Variants in MGA observed in about 807,000 individuals in gnomAD.
MGA encodes MAX gene-associated protein.
MGA carries 40 observed loss-of-function variants against 261.1 expected under a neutral mutation model. The observed-to-expected ratio is 0.15, with a 90% CI of 0.12 to 0.20. The LOEUF (loss-of-function observed/expected upper bound fraction) is 0.20. Among genes scored for constraint, MGA ranks in the 10% least tolerant of loss-of-function variants. The probability of loss-of-function intolerance (pLI) is 1.00; values close to 1 mark genes in which losing one functional copy is unlikely to be tolerated. For synonymous variants in MGA, 1,302 were observed against 1,290.6 expected (o/e 1.01, Z -0.19); for missense variants, 3,397 against 3,630.5 (o/e 0.94, Z 1.65).
At chr15:41,753,185 G>A (rs1271748014) in intron 17 of MGA, among the ~76,000 whole-genome samples, 3 of 152,090 alleles carry the variant, frequency 2.0e-5, no homozygotes, top group African/African-American at 2.4e-5. Flanking sequence ...TGAGGCAGGC[G>A]GATCACCTGA....
Position 41,750,329 on chromosome 15 carries a change from G to A in MGA, c.6722G>A (p.Cys2241Tyr), listed in dbSNP as rs1265895637. Residue 2241 changes from cysteine (C) to tyrosine (Y), a missense_variant, in exon 17 of 24, where the codon TGT becomes TAT. Coordinates refer to ENST00000219905, the MANE Select transcript of MGA (RefSeq NM_001164273.2). ...GATGCCAGAGTTTTGAAAACTGAAT[G>A]TGATTCTTGGAGTAGGATTTCTAAT... 1 of 1,613,922 alleles carries A rather than the reference G, an allele frequency of 6.2e-7. No individual in the cohort carries two copies. Among genetic ancestry groups the A allele is most frequent in the East Asian group, 2.2e-5 (1 of 44,902 alleles).
At chr15:41,660,900 C>A (rs1423350501) in intron 1 of MGA, among the ~76,000 whole-genome samples, 1 of 152,188 alleles carries the variant, frequency 6.6e-6, no homozygotes, top group Non-Finnish European at 1.5e-5. Flanking sequence ...GACTTCTCGC[C>A]CGGCGCCGGG....
Position 41,750,308 on chromosome 15 carries a change from C to A in MGA, c.6701C>A (p.Ala2234Asp). 6.2e-7 allele frequency: 1 copy of A among 1,613,998 alleles called. No homozygotes were observed. Among genetic ancestry groups the A allele is most frequent in the Non-Finnish European group, 8.5e-7 (1 of 1,179,890 alleles). The change falls in exon 17 of 24, where the codon GCC (alanine) becomes GAC (aspartate). Residue 2234 changes from alanine (A) to aspartate (D), a missense_variant. Coordinates refer to ENST00000219905, the MANE Select transcript of MGA (RefSeq NM_001164273.2). Reference sequence around the variant, plus strand: ...GGAAAAAGTGGAATTACTGAAGATGCCAGAGTTTTGAAAACTGAATGTGAT... The same window carrying A: ...GGAAAAAGTGGAATTACTGAAGATGACAGAGTTTTGAAAACTGAATGTGAT...
rs771006709 is a variant in MGA, at chr15:41,750,008, T to G, written c.6401T>G (p.Phe2134Cys). 3.7e-6 allele frequency: 6 copies of G among 1,613,156 alleles called. No homozygotes were observed. Among genetic ancestry groups the G allele is most frequent in the Non-Finnish European group, 5.1e-6 (6 of 1,179,676 alleles). The stretch of plus-strand genomic sequence containing the variant: ...AACTCAAGTGAATTTCCAGTCACCT[T>G]TAAGGAAGAAAGTAAATTTGAATTG... The change falls in exon 17 of 24, where the codon TTT (phenylalanine) becomes TGT (cysteine). Residue 2134 changes from phenylalanine (F) to cysteine (C), a missense_variant. This residue lies in a region of MGA where 1,410 missense variants were observed against 1,386.4 expected (regional missense o/e 1.02). Transcript: ENST00000219905.
chr15:41,662,318 G>C (rs2057461403), intron 1 of MGA, among the ~76,000 whole-genome samples: 1 of 152,132 alleles, frequency 6.6e-6, no homozygotes, highest in Admixed American at 6.5e-5. Context: ...TCAGCTTTCT[G>C]GCCCTGAGTT....
At chr15:41,736,720 G>A (rs1595913995) in intron 13 of MGA, 22 bp downstream of exon 13, 1 of 1,564,460 alleles carries the variant, frequency 6.4e-7, no homozygotes, top group Non-Finnish European at 8.6e-7. Context: ...CTTTAATCTG[G>A]GTATAGCACC....
chr15:41,762,403 A>G, intron 22 of MGA, 41 bp downstream of exon 22: 1 of 1,501,684 alleles, frequency 6.7e-7, no homozygotes, highest in Non-Finnish European at 9.2e-7. Context: ...GTAGATATAC[A>G]TCAGTTGACT....
intron 9 of MGA, chr15:41,718,294 T>G (rs1404821529): frequency 9.2e-6 from 2 of 216,920 alleles, no homozygotes; most frequent in East Asian, 1.3e-4. Flanking sequence ...GTAGTGTGTG[T>G]GTGTGTGTAT....
At chr15:41,756,838 C>T (rs891059042) in intron 18 of MGA, among the ~76,000 whole-genome samples, 7 of 152,120 alleles carry the variant, frequency 4.6e-5, no homozygotes, top group African/African-American at 1.2e-4. Context: ...AACCAGTCCT[C>T]GTGCCTTGGC....
chr15:41,672,917 C>A (rs1326762253), intron 2 of MGA, among the ~76,000 whole-genome samples: 2 of 151,918 alleles, frequency 1.3e-5, no homozygotes, highest in Admixed American at 1.3e-4. Context: ...TATTCAGTTA[C>A]TGATATATGA....
At chr15:41,741,447 T>G (rs2062099485) in intron 14 of MGA, among the ~76,000 whole-genome samples, 1 of 152,070 alleles carries the variant, frequency 6.6e-6, no homozygotes, top group South Asian at 2.1e-4. Flanking sequence ...CCTGATCTGT[T>G]TGGAGAAATG....
intron 3 of MGA, 68 bp downstream of exon 3, chr15:41,697,091 A>G (rs1289917012): frequency 1.6e-6 from 2 of 1,258,970 alleles, no homozygotes; most frequent in East Asian, 5.1e-5. Context: ...CTGGCTTGTA[A>G]GTAACTCGAT....
At chr15:41,656,920 G>T (rs757398969), upstream of MGA, among the ~76,000 whole-genome samples, 1 of 152,036 alleles carries the variant, frequency 6.6e-6, no homozygotes, top group Non-Finnish European at 1.5e-5. Flanking sequence ...GGGACTGCAG[G>T]CACCACCACA....
At chr15:41,712,368 C>T (rs1025718577) in intron 8 of MGA, among the ~76,000 whole-genome samples, 2 of 152,032 alleles carry the variant, frequency 1.3e-5, no homozygotes, top group Non-Finnish European at 2.9e-5. Context: ...TGCACTACCA[C>T]GCCTGGCTAA....
chr15:41,750,540 A>G lies in MGA; in HGVS notation c.6933A>G (p.Lys2311=). ...AAGATGATGAAGATGATAATGAGAAAACTGATGATTCTATTGATGAAATTG... is the reference window on the plus strand; with the variant it reads ...AAGATGATGAAGATGATAATGAGAAGACTGATGATTCTATTGATGAAATTG... Residue 2311 remains lysine, a synonymous_variant, in exon 17 of 24, where the codon AAA becomes AAG. Coordinates refer to ENST00000219905, the MANE Select transcript of MGA (RefSeq NM_001164273.2). 1 of 1,613,002 alleles carries G rather than the reference A, an allele frequency of 6.2e-7. No individual in the cohort carries two copies. The highest frequency in any genetic ancestry group is 8.5e-7 in the Non-Finnish European group (1 of 1,179,380).
chr15:41,657,417 G>A (rs1006377811), upstream of MGA, among the ~76,000 whole-genome samples: 1 of 139,786 alleles, frequency 7.2e-6, no homozygotes, highest in African/African-American at 2.8e-5. Context: ...GCGGTGGCGC[G>A]ATCTCGGCTC....
At chr15:41,665,241 CTAA>C (rs1566946625) in intron 1 of MGA, among the ~76,000 whole-genome samples, 1 of 152,244 alleles carries the variant, frequency 6.6e-6, no homozygotes, top group East Asian at 1.9e-4. Flanking sequence ...ATGAAGAAGA[CTAA>C]TAAGTGGCTG....
chr15:41,627,936 A>C (rs973488026), intron 1 of MGA, among the ~76,000 whole-genome samples: 6 of 152,262 alleles, frequency 3.9e-5, no homozygotes, highest in Non-Finnish European at 7.3e-5. Context: ...GATAGTTGAG[A>C]TCAATTAGGT....
chr15:41,696,274 A>T lies in MGA; in HGVS notation c.1264A>T (p.Ile422Leu). 1 of 1,613,962 alleles carries T rather than the reference A, an allele frequency of 6.2e-7. No homozygotes were observed. Among genetic ancestry groups the T allele is most frequent in the Non-Finnish European group, 8.5e-7 (1 of 1,179,908 alleles). The change falls in exon 3 of 24, where the codon ATA (isoleucine) becomes TTA (leucine). Residue 422 changes from isoleucine to leucine, a missense_variant. Physicochemically the swap from Ile to Leu is conservative, Grantham distance 5 (BLOSUM62 2). This residue lies in a region of MGA where 563 missense variants were observed against 563.6 expected (regional missense o/e 1.00). Transcript: ENST00000219905. ...ATACTCAAACAGTGATGATGATCCT[A>T]TACTAGAGAAACAGCTAAAGAGGCA...
Sources: allele counts gnomAD v4.1 joint callset (sites outside exome capture counted in the v4.1 genomes callset), GRCh38; gene constraint gnomAD v4.1.1; regional missense constraint gnomAD v4.1.1; transcripts MANE v1.5; gene names NCBI Gene and HGNC (gene_info 2026-07-23, HGNC 2026-07-21).